Variants in TMPRSS11A observed in about 807,000 individuals in gnomAD.
The protein encoded by TMPRSS11A is transmembrane serine protease 11A.
TMPRSS11A carries 53 observed loss-of-function variants against 58.9 expected under a neutral mutation model. That is an observed-to-expected ratio of 0.90 (90% CI 0.72 to 1.13). TMPRSS11A has a LOEUF of 1.13. Among genes scored for constraint, TMPRSS11A ranks in the 50% most tolerant of loss-of-function variants. The pLI, the probability that TMPRSS11A is intolerant of heterozygous loss-of-function variation, is 0.00. For synonymous variants in TMPRSS11A, 167 were observed against 169.8 expected (o/e 0.98, Z 0.13); for missense variants, 493 against 499.3 (o/e 0.99, Z 0.12).
chr4:67,937,823 T>C (rs1376075597), intron 3 of TMPRSS11A, among the ~76,000 whole-genome samples: 3 of 152,168 alleles, frequency 2.0e-5, no homozygotes, highest in Non-Finnish European at 4.4e-5. Context: ...GATATCTAGG[T>C]TGATTCCACA....
Position 67,911,025 on chromosome 4 carries a change from AT to A in TMPRSS11A, c.*316del, listed in dbSNP as rs780667357. The A allele has an allele frequency of 8.2e-5, 16 of 195,736 alleles. No individual in the cohort carries two copies. Among genetic ancestry groups the A allele is most frequent in the Non-Finnish European group, 1.6e-4 (15 of 96,772 alleles). The allele number at this position is 195,736 out of a possible 1,614,324, so 12.1% of individuals were successfully genotyped here. ...TTAAAAGGAGACCCTTGACAACGAC[AT>A]TCTAAAAATCCCATGGACTATCTTC... is the stretch of plus-strand genomic sequence containing the variant. On this transcript the variant is annotated 3_prime_UTR_variant, in exon 10 of 10. Transcript: ENST00000508048.
At chr4:67,918,846 AAAGT>A in intron 8 of TMPRSS11A, 123 bp downstream of exon 8, 1 of 1,101,062 alleles carries the variant, frequency 9.1e-7, no homozygotes, top group East Asian at 2.4e-5. Flanking sequence ...TCTGTCACAC[AAAGT>A]AAGAACCCTA....
Position 67,929,116 on chromosome 4 carries a change from C to T in TMPRSS11A, c.481+764G>A, listed in dbSNP as rs78223682. ...AGAAATTAGAGATTTAAATTTGATT[C>T]TTAGCTCCTTTTAATTACTGAATTC... On this transcript the variant is annotated intron_variant, in intron 5 of 9. Coordinates refer to ENST00000508048, the MANE Select transcript of TMPRSS11A (RefSeq NM_001114387.2). Among the ~76,000 whole-genome samples the T allele has an allele frequency of 8.8e-3, 1,340 of 152,182 alleles. 16 individuals carry two copies. Among genetic ancestry groups the T allele is most frequent in the African/African-American group, 0.03 (1,254 of 41,532 alleles).
chr4:67,963,296 CACTAGCAGTCCTCTT>C (rs1370448154), intron 1 of TMPRSS11A, 72 bp downstream of exon 1: 8 of 1,390,664 alleles, frequency 5.8e-6, no homozygotes, highest in Admixed American at 5.4e-5. Flanking sequence ...AAAGACACCT[CACTAGCAGTCCTCTT>C]ACACATCAGG....
chr4:67,929,568 C>T (rs879515688), intron 5 of TMPRSS11A, among the ~76,000 whole-genome samples: 1 of 152,022 alleles, frequency 6.6e-6, no homozygotes, highest in Non-Finnish European at 1.5e-5. Context: ...TTGCTAAACC[C>T]CTAGTATTTT....
At chr4:67,939,399 A>C (rs1720827239) in intron 3 of TMPRSS11A, among the ~76,000 whole-genome samples, 1 of 152,054 alleles carries the variant, frequency 6.6e-6, no homozygotes, top group African/African-American at 2.4e-5. Flanking sequence ...ATTTGGATGC[A>C]TTTTCCTTCT....
In TMPRSS11A at chr4:67,955,344, G is replaced by A. The variant is rs555291700; in HGVS notation, c.11+8039C>T. Among the ~76,000 whole-genome samples, 5 of 152,252 alleles carry A rather than the reference G, an allele frequency of 3.3e-5. No individual in the cohort carries two copies. The East Asian group carries it at 7.7e-4, about 23-fold the overall frequency. On this transcript the variant is annotated intron_variant, in intron 1 of 9. Coordinates refer to ENST00000508048, the MANE Select transcript of TMPRSS11A (RefSeq NM_001114387.2). ...TAGTGCTTAACATTATGCAGTATTC[G>A]TGTGTGTTTATGTTTGCACGTGTGT...
intron 5 of TMPRSS11A, among the ~76,000 whole-genome samples, chr4:67,928,366 G>T (rs1720527595): frequency 6.6e-6 from 1 of 152,096 alleles, no homozygotes; most frequent in Non-Finnish European, 1.5e-5. Flanking sequence ...CTCAAATCAG[G>T]TTCTCCATTA....
Position 67,911,373 on chromosome 4 carries a change from C to G in TMPRSS11A, c.1226G>C (p.Arg409Pro). The G allele has an allele frequency of 6.2e-7, 1 of 1,612,996 alleles. No homozygotes were observed. Among genetic ancestry groups the G allele is most frequent in the Non-Finnish European group, 8.5e-7 (1 of 1,179,412 alleles). Residue 409 changes from arginine to proline, a missense_variant, in exon 10 of 10, where the codon CGA (arginine) becomes CCA (proline). Physicochemically the swap from Arg to Pro is moderately radical, Grantham distance 103. Coordinates refer to ENST00000508048, the MANE Select transcript of TMPRSS11A (RefSeq NM_001114387.2). ...PGVYTQVTYY[R>P]NWIASKTGI ...GCCTGTTTTTGAAGCAATCCAGTTT[C>G]GGTAATAAGTCACTTGTGTGTAGAC...
rs1560561975 is a variant in TMPRSS11A, at chr4:67,914,698, C to T, written c.985G>A (p.Val329Met). 6.2e-7 allele frequency: 1 copy of T among 1,612,902 alleles called. No homozygotes were observed. The highest frequency in any genetic ancestry group is 1.1e-5 in the South Asian group (1 of 90,840). ...CAGACATCATCACTTATGATTTTCA[C>T]TCTGGCTTCTCGGAGATCATTTTGG... ...ESQNDLREAR[V>M]KIISDDVCKQ... The change falls in exon 9 of 10, where the codon GTG becomes ATG. Residue 329 changes from valine (V) to methionine (M), a missense_variant. Physicochemically the swap from Val to Met is conservative, Grantham distance 21. Transcript: ENST00000508048.
At chr4:67,913,968 G>A (rs914700771) in intron 9 of TMPRSS11A, among the ~76,000 whole-genome samples, 1 of 152,166 alleles carries the variant, frequency 6.6e-6, no homozygotes, top group African/African-American at 2.4e-5. Context: ...AGGGCACTGG[G>A]GAGGGCCCAT....
chr4:67,937,831 A>T (rs962032906), intron 3 of TMPRSS11A, among the ~76,000 whole-genome samples: 2 of 152,106 alleles, frequency 1.3e-5, no homozygotes, highest in African/African-American at 4.8e-5. Flanking sequence ...GGTTGATTCC[A>T]CATCTTTGCT....
intron 1 of TMPRSS11A, among the ~76,000 whole-genome samples, chr4:67,962,287 A>G (rs918716265): frequency 6.6e-6 from 1 of 152,116 alleles, no homozygotes; most frequent in Admixed American, 6.5e-5. Context: ...TGATGCAAAC[A>G]TGCATTTTGT....
chr4:67,951,440 CAA>C (rs1158850664), intron 1 of TMPRSS11A, among the ~76,000 whole-genome samples: 1 of 152,138 alleles, frequency 6.6e-6, no homozygotes, highest in African/African-American at 2.4e-5. Flanking sequence ...GGAGTCAAGA[CAA>C]AGAGATTGTA....
intron 8 of TMPRSS11A, 103 bp from the exon 9 acceptor site, chr4:67,914,833 T>C: frequency 1.0e-6 from 1 of 998,150 alleles, no homozygotes; most frequent in Non-Finnish European, 1.5e-6. Flanking sequence ...AAATTGTCAA[T>C]ACAGAATGAA....
Position 67,911,448 on chromosome 4 carries a change from A to G in TMPRSS11A, c.1151T>C (p.Ile384Thr), listed in dbSNP as rs1477617994. The G allele has an allele frequency of 1.9e-6, 3 of 1,613,348 alleles. No homozygotes were observed. The highest frequency in any genetic ancestry group is 1.3e-5 in the African/African-American group (1 of 74,904). The change falls in exon 10 of 10, where the codon ATT becomes ACT. Residue 384 changes from isoleucine to threonine, a missense_variant. Transcript: ENST00000508048. The part of the protein sequence containing the change: ...TRDLKDTWYL[I>T]GIVSWGDNCG... Reference sequence around the variant, plus strand: ...GTTATCTCCCCAGCTTACAATTCCAATGAGATACCACGTATCTTTCAGATC... The same window carrying G: ...GTTATCTCCCCAGCTTACAATTCCAGTGAGATACCACGTATCTTTCAGATC...
At chr4:67,924,005 T>A in intron 6 of TMPRSS11A, 123 bp downstream of exon 6, 1 of 849,672 alleles carries the variant, frequency 1.2e-6, no homozygotes, top group Non-Finnish European at 2.0e-6. Flanking sequence ...AAATCTATCG[T>A]ACAAATAGTT....
In TMPRSS11A at chr4:67,922,935, A is replaced by G. The variant is rs1267754726; in HGVS notation, c.521-9T>C. 4 of 1,613,400 alleles carry G rather than the reference A, an allele frequency of 2.5e-6. No individual in the cohort carries two copies. The highest frequency in any genetic ancestry group is 3.4e-6 in the Non-Finnish European group (4 of 1,179,490). The stretch of plus-strand genomic sequence containing the variant: ...AACTCGTTTACCACAACCTGAAAAA[A>G]GATGAGATCATTAAGTTATAAGAAA... On this transcript the variant is annotated splice_polypyrimidine_tract_variant and intron_variant, in intron 6 of 9. Transcript: ENST00000508048.
In TMPRSS11A at chr4:67,963,386, TA is replaced by T; in HGVS notation, c.7del (p.Tyr3IlefsTer13). 6.2e-7 allele frequency: 1 copy of T among 1,613,662 alleles called. No homozygotes were observed. The highest frequency in any genetic ancestry group is 8.5e-7 in the Non-Finnish European group (1 of 1,179,832). On this transcript the variant is annotated frameshift_variant, in exon 1 of 10. Coordinates refer to ENST00000508048, the MANE Select transcript of TMPRSS11A (RefSeq NM_001114387.2). LOFTEE classifies it high-confidence loss of function. Reference protein sequence around the residue: MMYRTVGFGTRSR... With the variant: MMXRTVGFGTRSR... The stretch of plus-strand genomic sequence containing the variant: ...TATAAAACAGAACTGAACTTACCGA[TA>T]CATCATGTACAGGAGGAAGAATATG...
Sources: allele counts gnomAD v4.1 joint callset (sites outside exome capture counted in the v4.1 genomes callset), GRCh38; gene constraint gnomAD v4.1.1; transcripts MANE v1.5; gene names NCBI Gene and HGNC (gene_info 2026-07-23, HGNC 2026-07-21).